Variants in ITPRID1 observed in about 807,000 individuals in gnomAD.
ITPRID1 encodes the protein protein ITPRID1.
In ITPRID1, 96 loss-of-function variants were observed where a neutral mutation model predicts 95.4. The observed-to-expected ratio is 1.01, with a 90% CI of 0.85 to 1.19. ITPRID1 has a LOEUF of 1.19. Ranked by LOEUF, ITPRID1 falls within the 50% of genes most tolerant of loss-of-function variation. The probability of loss-of-function intolerance (pLI) is 0.00; values close to 1 mark genes in which losing one functional copy is unlikely to be tolerated. For missense variants in ITPRID1, 1,339 were observed against 1,252.9 expected (o/e 1.07, Z -1.04); for synonymous variants, 510 against 453.6 (o/e 1.12, Z -1.58).
intron 1 of ITPRID1, among the ~76,000 whole-genome samples, chr7:31,543,376 A>G (rs919126358): frequency 6.6e-6 from 1 of 152,112 alleles, no homozygotes; most frequent in East Asian, 1.9e-4. Flanking sequence ...TTTTCCAGGA[A>G]AACAAGATTT....
At chr7:31,581,897 G>A (rs993311618) in intron 9 of ITPRID1, among the ~76,000 whole-genome samples, 2 of 151,680 alleles carry the variant, frequency 1.3e-5, no homozygotes, top group African/African-American at 4.9e-5. Flanking sequence ...GATTACAAGT[G>A]TAAAGTAACT....
At chr7:31,520,546 TGTGTGTGTGTGTGTGTGTGA>T (rs1466625693) in intron 1 of ITPRID1, among the ~76,000 whole-genome samples, 1 of 75,246 alleles carries the variant, frequency 1.3e-5, no homozygotes, top group African/African-American at 7.4e-5. Flanking sequence ...TGTGTGTGTG[TGTGTGTGTGTGTGTGTGTGA>T]GAGAGAGAGA....
At chr7:31,597,402 G>T (rs895019907) in intron 10 of ITPRID1, among the ~76,000 whole-genome samples, 2 of 151,722 alleles carry the variant, frequency 1.3e-5, no homozygotes, top group African/African-American at 4.8e-5. Flanking sequence ...AGAATAATAA[G>T]GTTTAACAAG....
intron 9 of ITPRID1, among the ~76,000 whole-genome samples, chr7:31,582,760 A>G (rs886763018): frequency 2.6e-5 from 4 of 152,216 alleles, no homozygotes; most frequent in Non-Finnish European, 5.9e-5. Context: ...CTATATAGCA[A>G]TTAAATTTTC....
chr7:31,599,408 C>A (rs1328175713), intron 10 of ITPRID1, among the ~76,000 whole-genome samples: 1 of 151,960 alleles, frequency 6.6e-6, no homozygotes, highest in Non-Finnish European at 1.5e-5. Context: ...GAATATATAA[C>A]CACCATAATC....
intron 1 of ITPRID1, among the ~76,000 whole-genome samples, chr7:31,538,703 C>A (rs117031981): frequency 7.9e-5 from 12 of 152,294 alleles, no homozygotes; most frequent in Non-Finnish European, 1.5e-4. Flanking sequence ...GAAATAACCA[C>A]TGTCTTTCTG....
At chr7:31,631,911 T>C (rs191970886) in intron 10 of ITPRID1, among the ~76,000 whole-genome samples, 1 of 152,308 alleles carries the variant, frequency 6.6e-6, no homozygotes, top group East Asian at 1.9e-4. Flanking sequence ...AGTCAAGATA[T>C]ATACAAGCTC....
At chr7:31,571,983 G>T (rs1785005628) in intron 6 of ITPRID1, 119 bp from the exon 7 acceptor site, 2 of 656,524 alleles carry the variant, frequency 3.0e-6, no homozygotes, top group South Asian at 1.9e-5. Context: ...GTCATTATGG[G>T]ATTATTAGAG....
At position 31,652,573 on chromosome 7, in the gene ITPRID1, A is replaced by G; in HGVS notation, c.2879A>G (p.Tyr960Cys). The G allele has an allele frequency of 6.2e-7, 1 of 1,611,440 alleles. No homozygotes were observed. The highest frequency in any genetic ancestry group is 1.1e-5 in the South Asian group (1 of 90,600). ...PPEHYSNLHQ[Y>C]NWIEESNGQT... The stretch of plus-strand genomic sequence containing the variant: ...GAACACTATTCAAATCTGCATCAAT[A>G]TAACTGGATAGAAGAAAGCAATGGG... Residue 960 changes from tyrosine (Y) to cysteine (C), a missense_variant, in exon 15 of 15, where the codon TAT becomes TGT. Transcript: ENST00000615280.
Position 31,594,020 on chromosome 7 carries a change from C to T in ITPRID1, c.1228+10829C>T, listed in dbSNP as rs528238474. ...ATATCCATGGTTATGTACCAAATAA[C>T]GATGCTTTGGTTAATGACAGACCAC... On this transcript the variant is annotated intron_variant, in intron 10 of 14. Coordinates refer to ENST00000615280, the MANE Select transcript of ITPRID1 (RefSeq NM_001257967.3). Among the ~76,000 whole-genome samples, 29 of 152,254 alleles carry T rather than the reference C, an allele frequency of 1.9e-4. No individual in the cohort carries two copies. In the Middle Eastern group the frequency reaches 0.01, roughly 54 times the overall value.
chr7:31,635,207 C>T (rs573373258), intron 10 of ITPRID1, among the ~76,000 whole-genome samples: 2 of 152,212 alleles, frequency 1.3e-5, no homozygotes, highest in Non-Finnish European at 2.9e-5. Context: ...ATTTCTATGA[C>T]TCTAAGGGAA....
At chr7:31,576,944 A>G (rs1583521300) in intron 8 of ITPRID1, among the ~76,000 whole-genome samples, 1 of 152,000 alleles carries the variant, frequency 6.6e-6, no homozygotes, top group South Asian at 2.1e-4. Context: ...TCAAACTGGC[A>G]ATATGTTCTC....
At chr7:31,576,522 T>C (rs1785188032) in intron 8 of ITPRID1, among the ~76,000 whole-genome samples, 2 of 152,206 alleles carry the variant, frequency 1.3e-5, no homozygotes, top group Non-Finnish European at 2.9e-5. Flanking sequence ...CAAAAGAGAT[T>C]CAGTTTCAAC....
intron 5 of ITPRID1, among the ~76,000 whole-genome samples, chr7:31,567,639 T>A (rs980798778): frequency 2.6e-5 from 4 of 151,368 alleles, no homozygotes; most frequent in Non-Finnish European, 4.4e-5. Flanking sequence ...TTGAGCGCAG[T>A]GGCGCAGTCT....
chr7:31,630,611 T>G (rs1788906016), intron 10 of ITPRID1, among the ~76,000 whole-genome samples: 1 of 152,124 alleles, frequency 6.6e-6, no homozygotes, highest in Non-Finnish European at 1.5e-5. Context: ...AAGATCTGCA[T>G]CGAGTATGTC....
At chr7:31,524,779 C>T (rs763367659) in intron 1 of ITPRID1, among the ~76,000 whole-genome samples, 17 of 152,188 alleles carry the variant, frequency 1.1e-4, no homozygotes, top group African/African-American at 2.9e-4. Flanking sequence ...GTTTATTTTA[C>T]GTAGTATTGT....
rs369385676 is a variant in ITPRID1, at chr7:31,643,733, G to C, written c.2363G>C (p.Gly788Ala). The C allele has an allele frequency of 6.8e-6, 11 of 1,613,858 alleles. No individual in the cohort carries two copies. The highest frequency in any genetic ancestry group is 1.3e-5 in the African/African-American group (1 of 74,940). Residue 788 changes from glycine to alanine, a missense_variant, in exon 12 of 15, where the codon GGC becomes GCC. Transcript: ENST00000615280. ...ACCAAATCCGTCTCTCTAGACTCAGGCTTCTCTAGTATCTGCCCAATGGGC... is the reference window on the plus strand; with the variant it reads ...ACCAAATCCGTCTCTCTAGACTCAGCCTTCTCTAGTATCTGCCCAATGGGC... ...PLTKSVSLDS[G>A]FSSICPMGTC...
chr7:31,587,436 T>C (rs1785663798), intron 10 of ITPRID1, among the ~76,000 whole-genome samples: 2 of 150,958 alleles, frequency 1.3e-5, no homozygotes, highest in Non-Finnish European at 1.5e-5. Flanking sequence ...TTACAAGGGA[T>C]GTGAAGGACC....
downstream of ITPRID1, among the ~76,000 whole-genome samples, chr7:31,657,722 A>G (rs1326840603): frequency 1.3e-5 from 2 of 152,162 alleles, no homozygotes; most frequent in Non-Finnish European, 2.9e-5. Flanking sequence ...ACATGACTAT[A>G]TTCAGGCAAA....
Sources: allele counts gnomAD v4.1 joint callset (sites outside exome capture counted in the v4.1 genomes callset), GRCh38; gene constraint gnomAD v4.1.1; transcripts MANE v1.5; gene names NCBI Gene and HGNC (gene_info 2026-07-23, HGNC 2026-07-21).